The following PGAP6 variants were observed in gnomAD, a reference collection of about 807,000 sequenced individuals.
PGAP6 encodes post-GPI attachment to proteins factor 6.
Under a neutral mutation model 68.4 loss-of-function variants are expected in PGAP6, and 62 were observed. The observed-to-expected ratio is 0.91, with a 90% CI of 0.74 to 1.12. The LOEUF (loss-of-function observed/expected upper bound fraction) is 1.12. Among genes scored for constraint, PGAP6 ranks in the 50% most tolerant of loss-of-function variants. The pLI, the probability that PGAP6 is intolerant of heterozygous loss-of-function variation, is 0.00. For missense variants in PGAP6, 1,188 were observed against 1,068.5 expected (o/e 1.11, Z -1.56); for synonymous variants, 575 against 474.0 (o/e 1.21, Z -2.77).
At chr16:375,914 A>T (rs2054378038) in intron 6 of PGAP6, among the ~76,000 whole-genome samples, 1 of 151,842 alleles carries the variant, frequency 6.6e-6, no homozygotes, top group South Asian at 2.1e-4. Context: ...TCCTGCCTCC[A>T]CCCCACCTCT....
Position 377,135 on chromosome 16 carries a change from G to C in PGAP6, c.537C>G (p.Phe179Leu). Residue 179 changes from phenylalanine to leucine, a missense_variant, in exon 4 of 13, where the codon TTC becomes TTG. Coordinates refer to ENST00000431232, the MANE Select transcript of PGAP6 (RefSeq NM_021259.3). ...KGLAPTCAYV[F>L]QPELLVTRVV... ...CCCGCGTGACCAGCAGTTCAGGCTG[G>C]AAGACGTAGGCACAGGTGGGAGCCA... The C allele has an allele frequency of 6.2e-7, 1 of 1,613,644 alleles. No homozygotes were observed. The highest frequency in any genetic ancestry group is 1.1e-5 in the South Asian group (1 of 91,092).
upstream of PGAP6, among the ~76,000 whole-genome samples, chr16:384,911 C>G (rs1023459621): frequency 4.6e-5 from 7 of 151,206 alleles, no homozygotes; most frequent in African/African-American, 1.5e-4. Context: ...GCCTATAATC[C>G]CAGCACTTTG....
At chr16:380,352 T>C (rs996559613) in intron 1 of PGAP6, among the ~76,000 whole-genome samples, 2 of 151,078 alleles carry the variant, frequency 1.3e-5, no homozygotes, top group African/African-American at 4.9e-5. Context: ...CCCAGGTTAT[T>C]TTTTTTTCTT....
At chr16:385,618 A>ATTTTTTTTTTTTTTTTTTTTT (rs71139779), upstream of PGAP6, among the ~76,000 whole-genome samples, 2 of 77,000 alleles carry the variant, frequency 2.6e-5, no homozygotes, top group Non-Finnish European at 4.6e-5. Flanking sequence ...GCCTACTCTG[A>ATTTTTTTTTTTTTTTTTTTTT]TTTTTTTTTT....
chr16:374,610 G>C (rs1481664668), intron 9 of PGAP6, 146 bp downstream of exon 9: 1 of 1,201,334 alleles, frequency 8.3e-7, no homozygotes, highest in South Asian at 1.6e-5. Context: ...GGGGAATGGG[G>C]GAGTGGGGAG....
rs773052871 is a variant in PGAP6, at chr16:376,208, G to T, written c.1152C>A (p.Ser384=). 5.0e-6 allele frequency: 8 copies of T among 1,612,626 alleles called. No individual in the cohort carries two copies. The highest frequency in any genetic ancestry group is 5.9e-6 in the Non-Finnish European group (7 of 1,179,948). The change falls in exon 6 of 13, where the codon TCC becomes TCA. Residue 384 remains serine (S), a synonymous_variant. Transcript: ENST00000431232. ...VSVRVCSDTP[S]VMRLRLNTGM... ...CGGTGTTCAGGCGCAGCCGCATCAC[G>T]GAGGGCGTGTCCGAACACACCCTCA...
intron 1 of PGAP6, 101 bp from the exon 2 acceptor site, chr16:377,949 G>A (rs941508002): frequency 3.8e-6 from 4 of 1,053,998 alleles, no homozygotes; most frequent in African/African-American, 1.6e-5. Flanking sequence ...AGCCCCCGGG[G>A]ACCCACCTGG....
chr16:382,092 G>GT (rs1469011619), upstream of PGAP6: 7 of 347,978 alleles, frequency 2.0e-5, no homozygotes, highest in South Asian at 5.8e-4. Flanking sequence ...GGCGCCGGTA[G>GT]GGGGGAGGGG....
Position 377,454 on chromosome 16 carries a change from T to A in PGAP6, c.431A>T (p.Asn144Ile). Residue 144 changes from asparagine (N) to isoleucine (I), a missense_variant, in exon 3 of 13, where the codon AAC (asparagine) becomes ATC (isoleucine). Physicochemically the swap from Asn to Ile is moderately radical, Grantham distance 149 (BLOSUM62 -3). Transcript: ENST00000431232. Reference protein sequence around the residue: ...STTPRSNASVNVSHPAPGDWF... With the variant: ...STTPRSNASVIVSHPAPGDWF... Reference sequence around the variant, plus strand: ...GTCCCCGGGGGCCGGGTGGGAAACGTTGACGGAGGCATTGCTTCTCGGTGT... The same window carrying A: ...GTCCCCGGGGGCCGGGTGGGAAACGATGACGGAGGCATTGCTTCTCGGTGT... The A allele has an allele frequency of 6.2e-7, 1 of 1,610,708 alleles. No individual in the cohort carries two copies. The highest frequency in any genetic ancestry group is 8.5e-7 in the Non-Finnish European group (1 of 1,179,030).
chr16:375,109 C>G (rs372437220), intron 8 of PGAP6, 24 bp downstream of exon 8: 1 of 1,610,838 alleles, frequency 6.2e-7, no homozygotes, highest in Non-Finnish European at 8.5e-7. Flanking sequence ...GCCTGGCCCC[C>G]GTCTCTGCCC....
At chr16:385,769 C>G (rs895942551), upstream of PGAP6, among the ~76,000 whole-genome samples, 1 of 151,410 alleles carries the variant, frequency 6.6e-6, no homozygotes, top group African/African-American at 2.4e-5. Flanking sequence ...GGACTACAGG[C>G]GCCTGCCAAC....
Position 374,738 on chromosome 16 carries a change from C to A in PGAP6, c.1576+18G>T. 3 of 1,611,584 alleles carry A rather than the reference C, an allele frequency of 1.9e-6. No individual in the cohort carries two copies. The highest frequency in any genetic ancestry group is 1.3e-5 in the African/African-American group (1 of 75,028). On this transcript the variant is annotated intron_variant, in intron 9 of 12. Coordinates refer to ENST00000431232, the MANE Select transcript of PGAP6 (RefSeq NM_021259.3). The stretch of plus-strand genomic sequence containing the variant: ...AACAGCAGCAGCGTCTCGGGGCGGG[C>A]GGGGCCCTGGCACTCACCTGCCTTG...
chr16:374,104 G>A lies in PGAP6; in HGVS notation c.1803C>T (p.Leu601=), dbSNP rs901420406. ...DQPGEAVLCI[L]SYDTLQYCDF... ...CGCAGTACTGCAGCGTGTCGTAGCT[G>A]AGGATGCACAGCACCGCCTCCCCGG... The change falls in exon 11 of 13, where the codon CTC becomes CTT. Residue 601 remains leucine, a synonymous_variant. Transcript: ENST00000431232. The A allele has an allele frequency of 6.2e-7, 1 of 1,611,816 alleles. No homozygotes were observed. Among genetic ancestry groups the A allele is most frequent in the Non-Finnish European group, 8.5e-7 (1 of 1,179,962 alleles).
chr16:381,631 G>A, intron 1 of PGAP6, 70 bp downstream of exon 1: 2 of 1,119,252 alleles, frequency 1.8e-6, no homozygotes, highest in Non-Finnish European at 2.2e-6. Context: ...GTGCGCCCGG[G>A]GTGTCACAAT....
In PGAP6 at chr16:377,482, T is replaced by A; in HGVS notation, c.403A>T (p.Thr135Ser). The A allele has an allele frequency of 2.5e-6, 4 of 1,608,514 alleles. No individual in the cohort carries two copies. The highest frequency in any genetic ancestry group is 3.4e-6 in the Non-Finnish European group (4 of 1,178,270). ...ACGGAGGCATTGCTTCTCGGTGTGG[T>A]GCTCAGCGGCACCCCGACCTGGAAG... ...PSFQVGVPLS[T>S]TPRSNASVNV... The change falls in exon 3 of 13, where the codon ACC (threonine) becomes TCC (serine). Residue 135 changes from threonine to serine, a missense_variant. Coordinates refer to ENST00000431232, the MANE Select transcript of PGAP6 (RefSeq NM_021259.3).
At position 371,392 on chromosome 16, in the gene PGAP6, A is replaced by G. The variant is rs1223688885; in HGVS notation, c.*595T>C. On this transcript the variant is annotated 3_prime_UTR_variant, in exon 13 of 13. Coordinates refer to ENST00000431232, the MANE Select transcript of PGAP6 (RefSeq NM_021259.3). ...GACCCAAGGCTCCAGAGCCAGGAAAAAGGGAGGGGCGGGGCGGGAGCCTGC... is the reference window on the plus strand; with the variant it reads ...GACCCAAGGCTCCAGAGCCAGGAAAGAGGGAGGGGCGGGGCGGGAGCCTGC... 6.5e-6 allele frequency: 1 copy of G among 153,036 alleles called. No homozygotes were observed. The highest frequency in any genetic ancestry group is 6.5e-5 in the Admixed American group (1 of 15,326). The allele number at this position is 153,036 out of a possible 1,614,324, so 9.5% of individuals were successfully genotyped here. A position where few individuals can be genotyped will look rare whatever the true frequency, so the allele number is the denominator to read the frequency against.
intron 8 of PGAP6, 93 bp from the exon 9 acceptor site, chr16:374,985 A>G: frequency 1.3e-6 from 2 of 1,588,700 alleles, no homozygotes; most frequent in Non-Finnish European, 8.6e-7. Context: ...ATGAGAACGC[A>G]GCATTAGGGC....
rs757252059 is a variant in PGAP6, at chr16:372,539, T to C, written c.2019+72A>G. 4 of 1,258,002 alleles carry C rather than the reference T, an allele frequency of 3.2e-6. No homozygotes were observed. In the South Asian group the frequency reaches 3.6e-5, roughly 11 times the overall value. 77.9% of individuals were successfully genotyped at this position (1,258,002 alleles called of 1,614,324 possible). A position where few individuals can be genotyped will look rare whatever the true frequency, so the allele number is the denominator to read the frequency against. On this transcript the variant is annotated intron_variant, in intron 12 of 12. Transcript: ENST00000431232. ...ACTGGTTGGAGCAGGACCAGGAACGTGGCTAGAGCAAGGGGCCAGGCTCTC... is the reference window on the plus strand; with the variant it reads ...ACTGGTTGGAGCAGGACCAGGAACGCGGCTAGAGCAAGGGGCCAGGCTCTC...
In PGAP6 at chr16:376,695, G is replaced by T. The variant is rs1305775935; in HGVS notation, c.753C>A (p.Asn251Lys). The T allele has an allele frequency of 3.7e-6, 6 of 1,611,574 alleles. No individual in the cohort carries two copies. In the Admixed American group the frequency reaches 8.3e-5, roughly 22 times the overall value. ...CGGTGCAGGTGAGCACCTTCTGGAA[G>T]TTGCTAGGCAGGGTGACCGGGCCCA... ...LTVGPVTLPSNFQKVLTCTGA... is the reference protein window; with the variant it reads ...LTVGPVTLPSKFQKVLTCTGA... Residue 251 changes from asparagine (N) to lysine (K), a missense_variant, in exon 5 of 13, where the codon AAC becomes AAA. Physicochemically the swap from Asn to Lys is moderately conservative, Grantham distance 94. Coordinates refer to ENST00000431232, the MANE Select transcript of PGAP6 (RefSeq NM_021259.3).
Sources: allele counts gnomAD v4.1 joint callset (sites outside exome capture counted in the v4.1 genomes callset), GRCh38; gene constraint gnomAD v4.1.1; transcripts MANE v1.5; gene names NCBI Gene and HGNC (gene_info 2026-07-23, HGNC 2026-07-21).